Variants in SOX5 observed in about 807,000 individuals in gnomAD.
SOX5 encodes transcription factor SOX-5.
SOX5 carries 9 observed loss-of-function variants against 92.0 expected under a neutral mutation model. The observed-to-expected ratio is 0.10, with a 90% confidence interval of 0.06 to 0.17. SOX5 has a LOEUF of 0.17. Ranked by LOEUF, SOX5 falls within the 10% of genes least tolerant of loss-of-function variation. The probability of loss-of-function intolerance (pLI) is 1.00; values close to 1 mark genes in which losing one functional copy is unlikely to be tolerated. For synonymous variants in SOX5, 344 were observed against 336.3 expected (o/e 1.02, Z -0.25); for missense variants, 642 against 944.5 (o/e 0.68, Z 4.20).
intron 1 of SOX5, among the ~76,000 whole-genome samples, chr12:24,444,691 C>G (rs1941195230): frequency 6.6e-6 from 1 of 152,138 alleles, no homozygotes; most frequent in Admixed American, 6.5e-5. Flanking sequence ...AAACTACACT[C>G]CATCCCAGAA....
At chr12:24,348,049 C>CAA (rs1182462748) in intron 2 of SOX5, among the ~76,000 whole-genome samples, 1,693 of 72,706 alleles carry the variant, frequency 0.023, 67 homozygotes, top group African/African-American at 0.063. Flanking sequence ...TACAGCTAAT[C>CAA]AAAAAAAAAA....
intron 1 of SOX5, among the ~76,000 whole-genome samples, chr12:23,929,169 C>T (rs1940806427): frequency 6.6e-6 from 1 of 151,738 alleles, no homozygotes; most frequent in Non-Finnish European, 1.5e-5. Flanking sequence ...ACTCCTTAAA[C>T]AACAATGCAT....
intron 4 of SOX5, among the ~76,000 whole-genome samples, chr12:24,140,291 T>C (rs1441640630): frequency 6.6e-6 from 1 of 151,950 alleles, no homozygotes; most frequent in Admixed American, 6.6e-5. Context: ...GAAGTGATGT[T>C]CAGAAAAAAG....
Position 24,270,890 on chromosome 12 carries a change from G to A in SOX5, c.-77+6326C>T, listed in dbSNP as rs138247276. On this transcript the variant is annotated intron_variant, in intron 3 of 4. Transcript: ENST00000446891. ...TTCAATACTTCACATGTCATTGTAC[G>A]ATTGTTCTATAATTTTCCAACTTGC... Among the ~76,000 whole-genome samples, 71 of 152,214 alleles carry A rather than the reference G, an allele frequency of 4.7e-4. No individual in the cohort carries two copies. The East Asian group carries it at 5.2e-3, about 11-fold the overall frequency.
chr12:24,248,241 A>C (rs1425130991), intron 3 of SOX5, among the ~76,000 whole-genome samples: 1 of 152,166 alleles, frequency 6.6e-6, no homozygotes, highest in African/African-American at 2.4e-5. Flanking sequence ...GGCATGTAGT[A>C]ATTTGCCTTT....
intron 1 of SOX5, among the ~76,000 whole-genome samples, chr12:24,407,152 T>C (rs949608254): frequency 6.6e-5 from 10 of 152,028 alleles, no homozygotes; most frequent in African/African-American, 1.5e-4. Flanking sequence ...GCAGCAGTGA[T>C]AGCATGCCCC....
At chr12:24,064,476 C>T (rs1940314064) in intron 4 of SOX5, among the ~76,000 whole-genome samples, 1 of 152,102 alleles carries the variant, frequency 6.6e-6, no homozygotes, top group African/African-American at 2.4e-5. Context: ...AAGGTTTTTA[C>T]AGTTAACAAA....
intron 1 of SOX5, among the ~76,000 whole-genome samples, chr12:24,490,536 C>T (rs1349824383): frequency 1.3e-5 from 2 of 152,044 alleles, no homozygotes; most frequent in Non-Finnish European, 2.9e-5. Context: ...GTGTGCCCAA[C>T]TGTGGCTGAA....
intron 1 of SOX5, among the ~76,000 whole-genome samples, chr12:24,500,590 C>T (rs1948094879): frequency 6.6e-6 from 1 of 152,154 alleles, no homozygotes; most frequent in Admixed American, 6.5e-5. Context: ...CAACTTCTCC[C>T]CCTTCCTTTC....
intron 3 of SOX5, among the ~76,000 whole-genome samples, chr12:23,840,383 G>C (rs971822091): frequency 3.9e-5 from 6 of 152,004 alleles, no homozygotes; most frequent in Non-Finnish European, 7.4e-5. Context: ...ATGATAACTT[G>C]GTATTTTTAA....
chr12:24,117,849 A>G (rs1429352782), intron 4 of SOX5, among the ~76,000 whole-genome samples: 8 of 151,730 alleles, frequency 5.3e-5, no homozygotes, highest in Non-Finnish European at 8.8e-5. Context: ...GTGAAACCCT[A>G]TCTCTACTAA....
At chr12:24,039,464 A>C (rs865972945) in intron 4 of SOX5, among the ~76,000 whole-genome samples, 1 of 152,190 alleles carries the variant, frequency 6.6e-6, no homozygotes, top group African/African-American at 2.4e-5. Flanking sequence ...CATTGATTAT[A>C]AAAACAAAAA....
intron 10 of SOX5, among the ~76,000 whole-genome samples, chr12:23,570,690 C>A (rs571315183): frequency 2.6e-4 from 40 of 151,318 alleles, no homozygotes; most frequent in Non-Finnish European, 5.2e-4. Context: ...GCAGGCGGAT[C>A]ACGAGGTCAG....
intron 4 of SOX5, among the ~76,000 whole-genome samples, chr12:23,990,448 C>T (rs192847153): frequency 2.2e-4 from 33 of 152,314 alleles, no homozygotes; most frequent in Non-Finnish European, 4.1e-4. Flanking sequence ...AATTACTTGT[C>T]CTTCCCTACA....
At chr12:24,020,313 T>C (rs1333573273) in intron 4 of SOX5, among the ~76,000 whole-genome samples, 1 of 152,072 alleles carries the variant, frequency 6.6e-6, no homozygotes, top group Non-Finnish European at 1.5e-5. Context: ...ACACCTGAGG[T>C]TACTAACACA....
At chr12:23,589,492 C>G (rs1407797225) in intron 9 of SOX5, among the ~76,000 whole-genome samples, 2 of 151,710 alleles carry the variant, frequency 1.3e-5, no homozygotes, top group Non-Finnish European at 2.9e-5. Flanking sequence ...TACAGTACAC[C>G]TTTCCTAATT....
intron 1 of SOX5, among the ~76,000 whole-genome samples, chr12:24,470,779 TAACCTTTCCA>T (rs1944733324): frequency 6.6e-6 from 1 of 152,194 alleles, no homozygotes; most frequent in Admixed American, 6.5e-5. Context: ...GCAAGATAGC[TAACCTTTCCA>T]AACCTCAGTT....
intron 5 of SOX5, among the ~76,000 whole-genome samples, chr12:23,737,819 C>A (rs73282060): frequency 6.6e-6 from 1 of 152,126 alleles, no homozygotes; most frequent in African/African-American, 2.4e-5. Flanking sequence ...AATACTCTGC[C>A]TAGACAGCCC....
intron 4 of SOX5, among the ~76,000 whole-genome samples, chr12:24,040,317 A>C (rs1258329102): frequency 6.6e-6 from 1 of 152,182 alleles, no homozygotes; most frequent in Non-Finnish European, 1.5e-5. Flanking sequence ...TACTTTCTAA[A>C]CTATTAAATG....
Sources: allele counts gnomAD v4.1 joint callset (sites outside exome capture counted in the v4.1 genomes callset), GRCh38; gene constraint gnomAD v4.1.1; transcripts MANE v1.5; gene names NCBI Gene and HGNC (gene_info 2026-07-23, HGNC 2026-07-21).